IL1RAPL1: variants seen among roughly 807,000 people sequenced by gnomAD.
IL1RAPL1 encodes interleukin-1 receptor accessory protein-like 1.
Under a neutral mutation model 48.4 loss-of-function variants are expected in IL1RAPL1, and 3 were observed. That is an observed-to-expected ratio of 0.06 (90% CI 0.03 to 0.16). The LOEUF (loss-of-function observed/expected upper bound fraction) is 0.16. Among genes scored for constraint, IL1RAPL1 ranks in the 10% least tolerant of loss-of-function variants. IL1RAPL1 has a pLI of 1.00. For missense variants in IL1RAPL1, 349 were observed against 530.6 expected (o/e 0.66, Z 3.36); for synonymous variants, 185 against 187.7 (o/e 0.99, Z 0.12).
chrX:28,623,396 G>A lies in IL1RAPL1; in HGVS notation c.-25+35349G>A, dbSNP rs1272620871. Among the ~76,000 whole-genome samples the A allele has an allele frequency of 2.9e-4, 32 of 111,520 alleles. No individual in the cohort carries two copies. In the Admixed American group the frequency reaches 3.1e-3, roughly 11 times the overall value. On this transcript the variant is annotated intron_variant, in intron 1 of 10. Transcript: ENST00000378993. ...CCAAACTCAGGGAATTTATCGCAACGGGTATTCCATAATGGCTTGGCACTA... is the reference window on the plus strand; with the variant it reads ...CCAAACTCAGGGAATTTATCGCAACAGGTATTCCATAATGGCTTGGCACTA...
intron 2 of IL1RAPL1, among the ~76,000 whole-genome samples, chrX:28,901,648 AAACT>A (rs780743336): frequency 1.8e-5 from 2 of 112,197 alleles, no homozygotes; most frequent in African/African-American, 3.2e-5. Context: ...GAGATGGCAG[AAACT>A]AACTTTTTTG....
chrX:29,479,450 C>T (rs1218100290), intron 5 of IL1RAPL1, among the ~76,000 whole-genome samples: 1 of 81,429 alleles, frequency 1.2e-5, no homozygotes, highest in Non-Finnish European at 2.6e-5. Context: ...GTAAGTGTTG[C>T]AAAATGTATA....
At chrX:29,508,875 C>A (rs550090784) in intron 5 of IL1RAPL1, among the ~76,000 whole-genome samples, 1 of 112,131 alleles carries the variant, frequency 8.9e-6, no homozygotes, top group Non-Finnish European at 1.9e-5. Context: ...AGTCTTACCA[C>A]TTTTTTATAT....
At chrX:29,825,179 T>A (rs764997171) in intron 6 of IL1RAPL1, among the ~76,000 whole-genome samples, 1 of 110,905 alleles carries the variant, frequency 9.0e-6, no homozygotes, top group African/African-American at 3.3e-5. Flanking sequence ...TCAACATTAG[T>A]GAGCCGGGTA....
At chrX:29,753,235 G>T (rs1274765814) in intron 6 of IL1RAPL1, among the ~76,000 whole-genome samples, 1 of 111,415 alleles carries the variant, frequency 9.0e-6, no homozygotes, top group Non-Finnish European at 1.9e-5. Flanking sequence ...ACTCTAGTAG[G>T]TGTTTCTCAG....
chrX:29,887,326 A>G (rs1363696235), intron 6 of IL1RAPL1, among the ~76,000 whole-genome samples: 1 of 112,397 alleles, frequency 8.9e-6, no homozygotes, highest in Non-Finnish European at 1.9e-5. Context: ...TTAAGAAGCA[A>G]TTTTGTGGTT....
chrX:29,000,199 G>A (rs934807373), intron 2 of IL1RAPL1, among the ~76,000 whole-genome samples: 3 of 111,593 alleles, frequency 2.7e-5, no homozygotes, highest in African/African-American at 6.5e-5. Context: ...TGTTTTTACC[G>A]GATACTGCAT....
intron 3 of IL1RAPL1, among the ~76,000 whole-genome samples, chrX:29,298,443 C>G (rs1409989035): frequency 9.0e-6 from 1 of 111,430 alleles, no homozygotes; most frequent in Non-Finnish European, 1.9e-5. Context: ...ACAGACTGTT[C>G]CGAAAAAAAT....
chrX:29,290,647 TGTGGGCTGGACTCA>T (rs1437484569), intron 3 of IL1RAPL1, among the ~76,000 whole-genome samples: 1 of 112,116 alleles, frequency 8.9e-6, no homozygotes, highest in Non-Finnish European at 1.9e-5. Context: ...GACTCTGCAA[TGTGGGCTGGACTCA>T]GCTAGGTGGT....
intron 2 of IL1RAPL1, among the ~76,000 whole-genome samples, chrX:29,001,439 A>G (rs985537150): frequency 1.8e-5 from 2 of 111,685 alleles, no homozygotes; most frequent in African/African-American, 6.5e-5. Flanking sequence ...TAGTATAATT[A>G]TAAGGCCACA....
At chrX:29,216,668 G>A (rs1930875291) in intron 2 of IL1RAPL1, among the ~76,000 whole-genome samples, 1 of 111,598 alleles carries the variant, frequency 9.0e-6, no homozygotes, top group Non-Finnish European at 1.9e-5. Context: ...ATATTCTCAG[G>A]TAAGAATCCA....
chrX:28,807,152 A>G (rs2147274102), intron 2 of IL1RAPL1, among the ~76,000 whole-genome samples: 1 of 111,178 alleles, frequency 9.0e-6, no homozygotes, highest in Admixed American at 9.6e-5. Context: ...GCATTTTAAG[A>G]TAAATCTTTC....
chrX:29,399,774 G>A (rs752755794), intron 5 of IL1RAPL1, among the ~76,000 whole-genome samples: 7 of 108,329 alleles, frequency 6.5e-5, no homozygotes, highest in South Asian at 8.2e-4. Flanking sequence ...AGCTGAGATC[G>A]TGCCATTGCA....
At chrX:28,628,013 C>G (rs1439848084) in intron 1 of IL1RAPL1, among the ~76,000 whole-genome samples, 3 of 111,591 alleles carry the variant, frequency 2.7e-5, no homozygotes, top group Non-Finnish European at 5.6e-5. Context: ...AGCAGTTCTT[C>G]TGATTTGGGC....
intron 5 of IL1RAPL1, among the ~76,000 whole-genome samples, chrX:29,540,004 GGAT>G (rs1921380074): frequency 9.0e-6 from 1 of 111,544 alleles, no homozygotes; most frequent in African/African-American, 3.3e-5. Flanking sequence ...ATCTCCTCAT[GGAT>G]GATATTATTC....
intron 5 of IL1RAPL1, among the ~76,000 whole-genome samples, chrX:29,565,851 A>G (rs1198743900): frequency 8.9e-6 from 1 of 112,588 alleles, no homozygotes; most frequent in Non-Finnish European, 1.9e-5. Flanking sequence ...AATGGAGTAA[A>G]TAAATAAAAT....
chrX:29,616,412 T>G (rs915998621), intron 5 of IL1RAPL1, among the ~76,000 whole-genome samples: 31 of 108,604 alleles, frequency 2.9e-4, no homozygotes, highest in African/African-American at 9.8e-4. Flanking sequence ...ATGTGCCGTG[T>G]TCGTGTGCTG....
chrX:28,735,463 T>G (rs1003143396), intron 1 of IL1RAPL1, among the ~76,000 whole-genome samples: 7 of 111,310 alleles, frequency 6.3e-5, no homozygotes, highest in African/African-American at 2.0e-4. Context: ...TAAAAATAAT[T>G]TTCCAGGAAG....
chrX:28,822,979 C>T (rs866161537), intron 2 of IL1RAPL1, among the ~76,000 whole-genome samples: 2 of 111,449 alleles, frequency 1.8e-5, no homozygotes, highest in Middle Eastern at 9.2e-3. Flanking sequence ...TTCTTTTAAC[C>T]CAAGAGTTTC....
Sources: gnomAD v4.1 joint callset for allele counts (sites outside exome capture counted in the v4.1 genomes callset) on GRCh38, gnomAD v4.1.1 for gene constraint, MANE v1.5 for transcripts, NCBI Gene and HGNC (gene_info 2026-07-23, HGNC 2026-07-21) for gene names.